The following VPS9D1 variants were observed in gnomAD, a reference collection of about 807,000 sequenced individuals.
The protein encoded by VPS9D1 is VPS9 domain containing 1, also known as VPS9 domain-containing protein 1.
VPS9D1 carries 78 observed loss-of-function variants against 75.8 expected under a neutral mutation model. The observed-to-expected ratio is 1.03, with a 90% CI of 0.86 to 1.24. The LOEUF (loss-of-function observed/expected upper bound fraction) is 1.24, where lower values mean the gene tolerates loss of function less well. VPS9D1 is among the 50% of genes most tolerant of loss of function. The pLI, the probability that VPS9D1 is intolerant of heterozygous loss-of-function variation, is 0.00. For missense variants in VPS9D1, 1,057 were observed against 847.7 expected, an observed-to-expected ratio of 1.25 and a Z score of -3.07; for synonymous variants, 481 against 385.6, an observed-to-expected ratio of 1.25 and a Z score of -2.90.
chr16:89,710,645 T>G lies in VPS9D1; in HGVS notation c.1199A>C (p.Gln400Pro), dbSNP rs2060894020. 6.2e-7 allele frequency: 1 copy of G among 1,611,642 alleles called. No individual in the cohort carries two copies. Among genetic ancestry groups the G allele is most frequent in the East Asian group, 2.2e-5 (1 of 44,844 alleles). The change falls in exon 10 of 15, where the codon CAG becomes CCG. Residue 400 changes from glutamine to proline, a missense_variant. Coordinates refer to ENST00000389386, the MANE Select transcript of VPS9D1 (RefSeq NM_004913.3). ...CAGCTGCTGCAGCTGGGGCTCCGGC[T>G]GTACCCCACGGCCCCGGCCCTGCCG... is the stretch of plus-strand genomic sequence containing the variant. Reference protein sequence around the residue: ...SERQGRGRGVQPEPQLQQLKT... With the variant: ...SERQGRGRGVPPEPQLQQLKT...
chr16:89,712,385 C>G, intron 6 of VPS9D1, 75 bp downstream of exon 6: 1 of 1,593,724 alleles, frequency 6.3e-7, no homozygotes, highest in Admixed American at 1.7e-5. Flanking sequence ...CCCCTCGCTG[C>G]CCCCTTCTCT....
Position 89,720,786 on chromosome 16 carries a change from G to C in VPS9D1, c.76C>G (p.Leu26Val). Residue 26 changes from leucine to valine, a missense_variant, in exon 1 of 15, where the codon CTG becomes GTG. By Grantham distance (32) the Leu-to-Val change is conservative (BLOSUM62 1). Transcript: ENST00000389386. ...AMKLANGAIELDTGNRPREAY... is the reference protein window; with the variant it reads ...AMKLANGAIEVDTGNRPREAY... The stretch of plus-strand genomic sequence containing the variant: ...ACCCGGGGCCGGTTGCCGGTGTCCA[G>C]CTCGATGGCCCCGTTGGCAAGCTTC... The C allele has an allele frequency of 1.4e-6, 2 of 1,459,010 alleles. No homozygotes were observed. Among genetic ancestry groups the C allele is most frequent in the Non-Finnish European group, 1.8e-6 (2 of 1,102,312 alleles). 90.4% of individuals were successfully genotyped at this position (1,459,010 alleles called of 1,614,324 possible). A position where few individuals can be genotyped will look rare whatever the true frequency, so the allele number is the denominator to read the frequency against.
Position 89,709,883 on chromosome 16 carries a change from G to C in VPS9D1, c.1282C>G (p.Leu428Val). 6.2e-7 allele frequency: 1 copy of C among 1,612,738 alleles called. No homozygotes were observed. Among genetic ancestry groups the C allele is most frequent in the East Asian group, 2.2e-5 (1 of 44,888 alleles). Residue 428 changes from leucine to valine, a missense_variant, in exon 11 of 15, where the codon CTG becomes GTG. Leu to Val is a conservative substitution (Grantham distance 32). Transcript: ENST00000389386. ...GCTGTGTTTAGGCCTTCGAAGGCCA[G>C]AAGGGTCAGCGAGAGCAGCCTGTCT... ...AVDRLLSLTLLAFEGLNTAAS... is the reference protein window; with the variant it reads ...AVDRLLSLTLVAFEGLNTAAS...
chr16:89,715,649 G>C (rs2061046624), intron 4 of VPS9D1, among the ~76,000 whole-genome samples: 1 of 151,314 alleles, frequency 6.6e-6, no homozygotes, highest in South Asian at 2.1e-4. Flanking sequence ...AGCCTCCCTA[G>C]TAGTTGGGAC....
chr16:89,720,604 C>A (rs1032760298), intron 1 of VPS9D1, 159 bp downstream of exon 1: 7 of 1,228,610 alleles, frequency 5.7e-6, no homozygotes, highest in Non-Finnish European at 7.1e-6. Flanking sequence ...CCCGGCTGCG[C>A]CCCGCCCCCG....
chr16:89,720,463 G>T, intron 1 of VPS9D1: 1 of 1,084,796 alleles, frequency 9.2e-7, no homozygotes, highest in Non-Finnish European at 1.1e-6. Flanking sequence ...CTCGGATTTT[G>T]GAAGGTGGCC....
At chr16:89,711,513 G>T in intron 8 of VPS9D1, 101 bp from the exon 9 acceptor site, 1 of 1,176,320 alleles carries the variant, frequency 8.5e-7, no homozygotes. Flanking sequence ...GTGGGAGCCC[G>T]TCCTGGGGTG....
At chr16:89,711,689 C>T (rs2060927798) in intron 8 of VPS9D1, 193 bp downstream of exon 8, 9 of 753,210 alleles carry the variant, frequency 1.2e-5, no homozygotes, top group Non-Finnish European at 1.7e-5. Context: ...GACCTCGCCT[C>T]CTCGCTCTGC....
intron 11 of VPS9D1, 137 bp downstream of exon 11, chr16:89,709,640 A>G (rs1241201861): frequency 4.9e-6 from 7 of 1,435,768 alleles, no homozygotes; most frequent in Non-Finnish European, 5.7e-6. Flanking sequence ...CTCAGGGTAA[A>G]GCACAGGCTA....
chr16:89,712,488 A>G lies in VPS9D1; in HGVS notation c.578T>C (p.Leu193Pro), dbSNP rs781163255. Residue 193 changes from leucine to proline, a missense_variant, in exon 6 of 15, where the codon CTA (leucine) becomes CCA (proline). Physicochemically the swap from Leu to Pro is moderately conservative, Grantham distance 98. Coordinates refer to ENST00000389386, the MANE Select transcript of VPS9D1 (RefSeq NM_004913.3). ...LSLQRQMMEN[L>P]VIAKAREETL... is the part of the protein sequence containing the mutation. ...CTCCTCCCGGGCTTTGGCAATCACTAGGTTCTCCATCATCTGCCGCTGTAG... is the reference window on the plus strand; with the variant it reads ...CTCCTCCCGGGCTTTGGCAATCACTGGGTTCTCCATCATCTGCCGCTGTAG... The G allele has an allele frequency of 1.2e-6, 2 of 1,613,140 alleles. No individual in the cohort carries two copies. The highest frequency in any genetic ancestry group is 1.7e-6 in the Non-Finnish European group (2 of 1,179,938).
chr16:89,715,962 C>A (rs2061056148), intron 4 of VPS9D1, among the ~76,000 whole-genome samples: 1 of 150,988 alleles, frequency 6.6e-6, no homozygotes. Context: ...CAGGCGTGAG[C>A]CACCAGGCCG....
intron 14 of VPS9D1, 70 bp from the exon 15 acceptor site, chr16:89,708,024 T>C: frequency 6.8e-7 from 1 of 1,473,736 alleles, no homozygotes; most frequent in Non-Finnish European, 9.5e-7. Flanking sequence ...CTCCAGAAGG[T>C]AGTGTCTGCC....
At chr16:89,716,846 G>C (rs750356608) in intron 2 of VPS9D1, 24 bp from the exon 3 acceptor site, 3 of 1,571,390 alleles carry the variant, frequency 1.9e-6, no homozygotes, top group African/African-American at 2.8e-5. Flanking sequence ...AAGAAGGCTG[G>C]TCACAGTCGG....
intron 6 of VPS9D1, 71 bp downstream of exon 6, chr16:89,712,389 C>G (rs1031101724): frequency 6.3e-7 from 1 of 1,598,960 alleles, no homozygotes; most frequent in African/African-American, 1.3e-5. Context: ...TCGCTGCCCC[C>G]TTCTCTGCCC....
At chr16:89,715,688 T>G (rs2061047987) in intron 4 of VPS9D1, among the ~76,000 whole-genome samples, 1 of 151,750 alleles carries the variant, frequency 6.6e-6, no homozygotes, top group South Asian at 2.1e-4. Flanking sequence ...TGCCTAATTT[T>G]TTTTGAGACG....
At chr16:89,718,904 G>T in intron 2 of VPS9D1, 123 bp downstream of exon 2, 1 of 774,198 alleles carries the variant, frequency 1.3e-6, no homozygotes, top group East Asian at 2.7e-5. Context: ...TAGTAGAGAC[G>T]GGGTTTCACC....
rs1385506440 is a variant in VPS9D1 at position 89,716,478 on chromosome 16, A to C, written c.415T>G (p.Ser139Ala). The C allele has an allele frequency of 1.2e-6, 2 of 1,613,680 alleles. No homozygotes were observed. The highest frequency in any genetic ancestry group is 1.7e-6 in the Non-Finnish European group (2 of 1,179,970). ...EIFQKLQGAE[S>A]QSCKKELTPL... ...CCATCTTACTTCTTACAGCTTTGTG[A>C]CTCTGCCCCCTGAAGCTTCTGGAAG... Residue 139 changes from serine (S) to alanine (A), a missense_variant, in exon 4 of 15, where the codon TCA (serine) becomes GCA (alanine). Physicochemically the swap from Ser to Ala is moderately conservative, Grantham distance 99. Coordinates refer to ENST00000389386, the MANE Select transcript of VPS9D1 (RefSeq NM_004913.3).
rs2060964212 is a variant in VPS9D1, at chr16:89,712,690, G to A, written c.458C>T (p.Ser153Phe). 1 of 1,610,582 alleles carries A rather than the reference G, an allele frequency of 6.2e-7. No individual in the cohort carries two copies. The highest frequency in any genetic ancestry group is 1.3e-5 in the African/African-American group (1 of 74,932). The change falls in exon 5 of 15, where the codon TCC becomes TTC. Residue 153 changes from serine to phenylalanine, a missense_variant. Ser to Phe is a radical substitution (Grantham distance 155). Coordinates refer to ENST00000389386, the MANE Select transcript of VPS9D1 (RefSeq NM_004913.3). Reference protein sequence around the residue: ...KKELTPLEEASLQNQKLKAAY... With the variant: ...KKELTPLEEAFLQNQKLKAAY... ...AGCCTTCAGCTTCTGATTCTGCAGG[G>A]AGGCCTCCTCCAGTGGCGTCAGCTC...
Position 89,708,915 on chromosome 16 carries a change from A to G in VPS9D1, c.1639T>C (p.Cys547Arg). The change falls in exon 13 of 15, where the codon TGC becomes CGC. Residue 547 changes from cysteine to arginine, a missense_variant. Transcript: ENST00000389386. ...RIICVCAEDY[C>R]PTPEATPQAG... ...TGGGGTGTGGCCTCTGGGGTGGGGCAGTAGTCTTCCGCACAGACACAGATG... is the reference window on the plus strand; with the variant it reads ...TGGGGTGTGGCCTCTGGGGTGGGGCGGTAGTCTTCCGCACAGACACAGATG... The G allele has an allele frequency of 6.2e-7, 1 of 1,601,428 alleles. No homozygotes were observed. The highest frequency in any genetic ancestry group is 1.1e-5 in the South Asian group (1 of 89,012).
Sources: gnomAD v4.1 joint callset for allele counts (sites outside exome capture counted in the v4.1 genomes callset) on GRCh38, gnomAD v4.1.1 for gene constraint, MANE v1.5 for transcripts, NCBI Gene and HGNC (gene_info 2026-07-23, HGNC 2026-07-21) for gene names.